Variants in LRRIQ1 observed in about 807,000 individuals in gnomAD.
LRRIQ1 encodes the protein leucine-rich repeat- and IQ domain-containing protein 1.
Under a neutral mutation model 211.9 loss-of-function variants are expected in LRRIQ1, and 210 were observed. The observed-to-expected ratio is 0.99, with a 90% CI of 0.89 to 1.11. The LOEUF (loss-of-function observed/expected upper bound fraction) is 1.11, where lower values mean the gene tolerates loss of function less well. Ranked by LOEUF, LRRIQ1 falls within the 50% of genes most tolerant of loss-of-function variation. The pLI is 0.00. For missense variants in LRRIQ1, 2,136 were observed against 1,939.5 expected (o/e 1.10, Z -1.90); for synonymous variants, 699 against 650.1 (o/e 1.08, Z -1.14).
In LRRIQ1 at chr12:85,152,381, T is replaced by C. The variant is rs749151728; in HGVS notation, c.4419+12T>C. ...TGCATTGGCCAAAGGTAACATGTCA[T>C]GGAAACTTCTGAGTCCTCGATCTTT... On this transcript the variant is annotated intron_variant, in intron 20 of 26. Transcript: ENST00000393217. 4 of 1,600,366 alleles carry C rather than the reference T, an allele frequency of 2.5e-6. No homozygotes were observed. Among genetic ancestry groups the C allele is most frequent in the Non-Finnish European group, 2.6e-6 (3 of 1,169,958 alleles).
chr12:85,079,348 G>C (rs925019298), intron 11 of LRRIQ1, among the ~76,000 whole-genome samples: 25 of 148,540 alleles, frequency 1.7e-4, no homozygotes, highest in Non-Finnish European at 3.0e-4. Flanking sequence ...CAGCCTCTTG[G>C]GTAGATGGGA....
At position 85,056,736 on chromosome 12, in the gene LRRIQ1, A is replaced by C. The variant is rs1368692190; in HGVS notation, c.1943A>C (p.Asp648Ala). 3 of 1,606,894 alleles carry C rather than the reference A, an allele frequency of 1.9e-6. No individual in the cohort carries two copies. Among genetic ancestry groups the C allele is most frequent in the Non-Finnish European group, 2.5e-6 (3 of 1,178,164 alleles). ...KSKEIEENPK[D>A]NAWNSGIVIF... ...AAAGAAATTGAGGAGAACCCAAAAGACAATGCTTGGAATAGTGGCATTGTG... is the reference window on the plus strand; with the variant it reads ...AAAGAAATTGAGGAGAACCCAAAAGCCAATGCTTGGAATAGTGGCATTGTG... Residue 648 changes from aspartate (D) to alanine (A), a missense_variant, in exon 8 of 27, where the codon GAC becomes GCC. Asp to Ala is a moderately radical substitution (Grantham distance 126, BLOSUM62 -2). Transcript: ENST00000393217.
At chr12:85,185,870 T>C (rs1892203749) in intron 24 of LRRIQ1, among the ~76,000 whole-genome samples, 1 of 152,044 alleles carries the variant, frequency 6.6e-6, no homozygotes, top group African/African-American at 2.4e-5. Context: ...TATCAAAAAT[T>C]ACTTTTTTGA....
In LRRIQ1 at chr12:85,066,811, A is replaced by C; in HGVS notation, c.2608A>C (p.Lys870Gln). 1 of 1,598,922 alleles carries C rather than the reference A, an allele frequency of 6.3e-7. No homozygotes were observed. The highest frequency in any genetic ancestry group is 8.5e-7 in the Non-Finnish European group (1 of 1,171,184). Residue 870 changes from lysine to glutamine, a missense_variant, in exon 10 of 27, where the codon AAA becomes CAA. Transcript: ENST00000393217. ...AAATCTCTGTGTTGTTCTTCTTAATAAAAATCAACTGACTTCTCTTCATGG... is the reference window on the plus strand; with the variant it reads ...AAATCTCTGTGTTGTTCTTCTTAATCAAAATCAACTGACTTCTCTTCATGG... ...LENLCVVLLN[K>Q]NQLTSLHGLD... is the part of the protein sequence containing the mutation.
Position 85,063,981 on chromosome 12 carries a change from A to G in LRRIQ1, c.2392-1281A>G, listed in dbSNP as rs566477967. On this transcript the variant is annotated intron_variant, in intron 8 of 26. Coordinates refer to ENST00000393217, the MANE Select transcript of LRRIQ1 (RefSeq NM_001079910.2). ...CTTCTAAATCTTGACTGTTGTGCAGAGTACTGCCGTAAAAATGAGGGTACA... is the reference window on the plus strand; with the variant it reads ...CTTCTAAATCTTGACTGTTGTGCAGGGTACTGCCGTAAAAATGAGGGTACA... Among the ~76,000 whole-genome samples, 12 of 151,946 alleles carry G rather than the reference A, an allele frequency of 7.9e-5. No homozygotes were observed. The South Asian group carries it at 2.5e-3, about 31-fold the overall frequency.
At chr12:85,127,178 T>C (rs1888426643) in intron 17 of LRRIQ1, among the ~76,000 whole-genome samples, 1 of 152,256 alleles carries the variant, frequency 6.6e-6, no homozygotes, top group South Asian at 2.1e-4. Context: ...ATAATCAATG[T>C]ACATTTTAAA....
intron 25 of LRRIQ1, among the ~76,000 whole-genome samples, chr12:85,231,437 T>C (rs1894935983): frequency 6.6e-6 from 1 of 152,228 alleles, no homozygotes. Flanking sequence ...CAATTTATTT[T>C]ATGTTGTTAT....
intron 8 of LRRIQ1, among the ~76,000 whole-genome samples, 153 bp from the exon 9 acceptor site, chr12:85,065,109 G>A (rs1882290950): frequency 6.6e-6 from 1 of 151,854 alleles, no homozygotes; most frequent in Non-Finnish European, 1.5e-5. Flanking sequence ...AGGCCAGATA[G>A]CTTAACAAAT....
At chr12:85,198,322 C>T (rs1319365276) in intron 24 of LRRIQ1, among the ~76,000 whole-genome samples, 3 of 150,016 alleles carry the variant, frequency 2.0e-5, no homozygotes, top group Non-Finnish European at 4.4e-5. Flanking sequence ...TGGGTGTATA[C>T]CCAAAAGTGG....
At chr12:85,138,038 C>G (rs1889262880) in intron 19 of LRRIQ1, 69 bp downstream of exon 19, 1 of 974,800 alleles carries the variant, frequency 1.0e-6, no homozygotes, top group Non-Finnish European at 1.5e-6. Flanking sequence ...TGAAGATAAA[C>G]CAGTTTCTAA....
chr12:85,161,815 C>G (rs1325483354), intron 24 of LRRIQ1, among the ~76,000 whole-genome samples: 3 of 152,078 alleles, frequency 2.0e-5, no homozygotes, highest in Non-Finnish European at 4.4e-5. Context: ...CCGAGGCAGA[C>G]AGATCACGAG....
chr12:85,222,139 G>T (rs1355086209), intron 24 of LRRIQ1, among the ~76,000 whole-genome samples: 2 of 152,184 alleles, frequency 1.3e-5, no homozygotes, highest in African/African-American at 4.8e-5. Context: ...TTAGGAAAAG[G>T]TTAAATAATA....
chr12:85,190,266 TAC>T (rs1263061759), intron 24 of LRRIQ1, among the ~76,000 whole-genome samples: 5 of 145,082 alleles, frequency 3.4e-5, no homozygotes, highest in East Asian at 2.0e-4. Context: ...TAACTGTAAC[TAC>T]ACAGTTAACA....
intron 8 of LRRIQ1, among the ~76,000 whole-genome samples, 162 bp downstream of exon 8, chr12:85,057,346 T>C (rs1881244229): frequency 6.6e-6 from 1 of 152,036 alleles, no homozygotes; most frequent in Non-Finnish European, 1.5e-5. Context: ...GGGATATATC[T>C]CAACAAATTG....
intron 24 of LRRIQ1, among the ~76,000 whole-genome samples, chr12:85,170,544 A>T (rs1408444698): frequency 6.6e-6 from 1 of 150,948 alleles, no homozygotes; most frequent in Non-Finnish European, 1.5e-5. Context: ...TACACTTTTT[A>T]TACATATATG....
intron 24 of LRRIQ1, among the ~76,000 whole-genome samples, chr12:85,198,899 C>G (rs762193177): frequency 2.0e-5 from 3 of 151,894 alleles, no homozygotes; most frequent in Non-Finnish European, 4.4e-5. Flanking sequence ...GTTTGTTGGC[C>G]GAATGTATGT....
chr12:85,063,765 T>C (rs982237329), intron 8 of LRRIQ1, among the ~76,000 whole-genome samples: 2 of 151,752 alleles, frequency 1.3e-5, no homozygotes, highest in African/African-American at 4.8e-5. Context: ...TTATTTTTAG[T>C]TCCCACAAAT....
intron 8 of LRRIQ1, among the ~76,000 whole-genome samples, 156 bp from the exon 9 acceptor site, chr12:85,065,106 A>G (rs991364062): frequency 6.6e-6 from 1 of 151,936 alleles, no homozygotes; most frequent in Non-Finnish European, 1.5e-5. Context: ...AAGAGGCCAG[A>G]TAGCTTAACA....
At chr12:85,132,939 G>C (rs116622157) in intron 18 of LRRIQ1, among the ~76,000 whole-genome samples, 2,716 of 151,914 alleles carry the variant, frequency 0.018, 72 homozygotes, top group African/African-American at 0.062. Flanking sequence ...CTGATGGTAT[G>C]CTCCATAATG....
Sources: allele counts gnomAD v4.1 joint callset (sites outside exome capture counted in the v4.1 genomes callset), GRCh38; gene constraint gnomAD v4.1.1; transcripts MANE v1.5; gene names NCBI Gene and HGNC (gene_info 2026-07-23, HGNC 2026-07-21).